KCTD1: variants seen among roughly 807,000 people sequenced by gnomAD.
The protein encoded by KCTD1 is BTB/POZ domain-containing protein KCTD1.
Under a neutral mutation model 66.0 loss-of-function variants are expected in KCTD1, and 24 were observed. The ratio of observed to expected loss-of-function variants is 0.36; its 90% CI spans 0.26 to 0.51. The LOEUF (loss-of-function observed/expected upper bound fraction) is 0.51, where lower values mean the gene tolerates loss of function less well. Ranked by LOEUF, KCTD1 falls within the 20% of genes least tolerant of loss-of-function variation. The probability of loss-of-function intolerance (pLI) is 0.95; values close to 1 mark genes in which losing one functional copy is unlikely to be tolerated. For missense variants in KCTD1, 943 were observed against 1,205.2 expected (o/e 0.78, Z 3.22); for synonymous variants, 511 against 517.2 (o/e 0.99, Z 0.16).
chr18:26,638,279 C>T (rs1006894272), intron 1 of KCTD1, among the ~76,000 whole-genome samples: 2 of 152,204 alleles, frequency 1.3e-5, no homozygotes, highest in East Asian at 3.8e-4. Context: ...CTAGAAGACA[C>T]TTGAATATCT....
At chr18:26,644,421 A>G (rs1387513289), upstream of KCTD1, among the ~76,000 whole-genome samples, 1 of 152,076 alleles carries the variant, frequency 6.6e-6, no homozygotes, top group Non-Finnish European at 1.5e-5. Context: ...CAGGCTGACT[A>G]AGGAGGGAGA....
chr18:26,461,680 A>C (rs1980436250), intron 3 of KCTD1, among the ~76,000 whole-genome samples: 1 of 152,216 alleles, frequency 6.6e-6, no homozygotes, highest in East Asian at 1.9e-4. Context: ...ATACTGACCT[A>C]AACACTTATT....
chr18:26,588,397 A>C (rs891122920), intron 1 of KCTD1, among the ~76,000 whole-genome samples: 1 of 152,126 alleles, frequency 6.6e-6, no homozygotes, highest in African/African-American at 2.4e-5. Flanking sequence ...GTTTTTTAGG[A>C]ACCCCCGGGG....
chr18:26,596,430 A>T (rs1986767914), intron 1 of KCTD1, among the ~76,000 whole-genome samples: 1 of 152,226 alleles, frequency 6.6e-6, no homozygotes, highest in African/African-American at 2.4e-5. Context: ...CTGTAAGAAA[A>T]TAAATTTCTG....
intron 1 of KCTD1, among the ~76,000 whole-genome samples, chr18:26,615,639 C>T (rs73405354): frequency 0.033 from 4,949 of 152,268 alleles, 275 homozygotes; most frequent in African/African-American, 0.11. Flanking sequence ...ATTTGAGATA[C>T]AGCATTCTAC....
chr18:26,653,648 A>C lies in KCTD1; in HGVS notation c.9+3712T>G, dbSNP rs185683798. On this transcript the variant is annotated intron_variant, in intron 1 of 4. Coordinates refer to the KCTD1 transcript ENST00000580191. ...ATACAGCAAGCACAAATATTTGTTCAATGAATGAATGAATGGACCTAATGA... is the reference window on the plus strand; with the variant it reads ...ATACAGCAAGCACAAATATTTGTTCCATGAATGAATGAATGGACCTAATGA... Among the ~76,000 whole-genome samples the C allele has an allele frequency of 1.0e-3, 156 of 152,312 alleles. 1 individual carries two copies. Among genetic ancestry groups the C allele is most frequent in the Admixed American group, 8.9e-3 (136 of 15,306 alleles).
At chr18:26,536,275 A>G (rs115570571) in intron 1 of KCTD1, among the ~76,000 whole-genome samples, 192 of 152,296 alleles carry the variant, frequency 1.3e-3, no homozygotes, top group African/African-American at 4.4e-3. Flanking sequence ...ATTATTGTAC[A>G]TATGCTCAAT....
intron 1 of KCTD1, among the ~76,000 whole-genome samples, chr18:26,628,900 T>C (rs1468182013): frequency 6.6e-6 from 1 of 152,340 alleles, no homozygotes; most frequent in Non-Finnish European, 1.5e-5. Context: ...TCAGAGGTTT[T>C]TAAACTATGG....
intron 1 of KCTD1, among the ~76,000 whole-genome samples, chr18:26,582,630 T>A (rs1157795327): frequency 6.6e-6 from 1 of 152,184 alleles, no homozygotes; most frequent in Non-Finnish European, 1.5e-5. Flanking sequence ...TCCCAAAATA[T>A]GGAAAATAAT....
chr18:26,602,277 A>G (rs1283424847), intron 1 of KCTD1, among the ~76,000 whole-genome samples: 1 of 152,194 alleles, frequency 6.6e-6, no homozygotes, highest in Non-Finnish European at 1.5e-5. Context: ...TTTTCATGTT[A>G]AACCAACCGT....
Position 26,620,463 on chromosome 18 carries a change from G to A in KCTD1, c.-16+8684C>T, listed in dbSNP as rs570673449. Reference sequence around the variant, plus strand: ...TTTTTTTTTTTTTTTTTGAGACAGGGTCTTGTTCTGTTGCCCAGGCTGGAG... The same window carrying A: ...TTTTTTTTTTTTTTTTTGAGACAGGATCTTGTTCTGTTGCCCAGGCTGGAG... On this transcript the variant is annotated intron_variant, in intron 1 of 4. Coordinates refer to the KCTD1 transcript ENST00000317932. Among the ~76,000 whole-genome samples the A allele has an allele frequency of 6.8e-4, 84 of 123,646 alleles. 1 individual carries two copies. The East Asian group carries it at 0.018, about 27-fold the overall frequency. The allele number at this position is 123,646 out of a possible 152,430, so 81.1% of individuals were successfully genotyped here. A position where few individuals can be genotyped will look rare whatever the true frequency, so the allele number is the denominator to read the frequency against.
intron 1 of KCTD1, among the ~76,000 whole-genome samples, chr18:26,619,083 T>C (rs1987318093): frequency 6.6e-6 from 1 of 152,268 alleles, no homozygotes; most frequent in Non-Finnish European, 1.5e-5. Context: ...CCTAAGTGTC[T>C]AATTTTGAGT....
chr18:26,633,996 G>T (rs1987672550), upstream of KCTD1, among the ~76,000 whole-genome samples: 1 of 152,104 alleles, frequency 6.6e-6, no homozygotes, highest in Non-Finnish European at 1.5e-5. Flanking sequence ...CAAAAGGAAA[G>T]AACTACGCTA....
At position 26,457,650 on chromosome 18, in the gene KCTD1, GTA is replaced by G. The variant is rs561995841; in HGVS notation, c.2440-1751_2440-1750del. On this transcript the variant is annotated intron_variant, in intron 4 of 4. Coordinates refer to ENST00000580059, the MANE Select transcript of KCTD1 (RefSeq NM_001142730.3). ...GATGTGGTCAAAAGCTTATTTCAAT[GTA>G]ATGCAAACAGCTGATGGAGCCATTA... 1.2e-4 allele frequency: 18 copies of G among 152,356 alleles called. 1 individual carries two copies. The highest frequency in any genetic ancestry group is 3.6e-4 in the African/African-American group (15 of 41,582). The allele number at this position is 152,356 out of a possible 1,614,324, so 9.4% of individuals were successfully genotyped here. A position where few individuals can be genotyped will look rare whatever the true frequency, so the allele number is the denominator to read the frequency against.
chr18:26,477,893 A>C (rs891009173), intron 2 of KCTD1, among the ~76,000 whole-genome samples: 2 of 152,188 alleles, frequency 1.3e-5, no homozygotes, highest in African/African-American at 2.4e-5. Context: ...AAATTCAATA[A>C]ATATTTTTGA....
At chr18:26,548,596 T>C (rs986821444), upstream of KCTD1, 12 of 1,194,418 alleles carry the variant, frequency 1.0e-5, no homozygotes, top group South Asian at 4.6e-4. Context: ...ACCGCAGCGC[T>C]GAGAGCTTTT....
At position 26,468,716 on chromosome 18, in the gene KCTD1, C is replaced by G. The variant is rs978610153; in HGVS notation, c.2133+7799G>C. On this transcript the variant is annotated intron_variant, in intron 3 of 4. Coordinates refer to ENST00000580059, the MANE Select transcript of KCTD1 (RefSeq NM_001142730.3). The surrounding 1 kb of genome is among the most constrained non-coding windows in gnomAD (Gnocchi z 4.8). The stretch of plus-strand genomic sequence containing the variant: ...CCTGTGGCGTGGTGGCGTGTGGTGG[C>G]GTGTGCCTGTAGTCCAGCTACTTGG... Among the ~76,000 whole-genome samples the G allele has an allele frequency of 6.6e-6, 1 of 151,930 alleles. No individual in the cohort carries two copies. Among genetic ancestry groups the G allele is most frequent in the South Asian group, 2.1e-4 (1 of 4,808 alleles).
chr18:26,594,999 C>T (rs573617901), intron 1 of KCTD1, among the ~76,000 whole-genome samples: 1 of 152,056 alleles, frequency 6.6e-6, no homozygotes, highest in Non-Finnish European at 1.5e-5. Context: ...AACTCCTCCC[C>T]TCTCCCTCTC....
intron 1 of KCTD1, among the ~76,000 whole-genome samples, chr18:26,651,158 G>A (rs1162868870): frequency 6.6e-6 from 1 of 152,222 alleles, no homozygotes; most frequent in Non-Finnish European, 1.5e-5. Context: ...TGGTGTGGCA[G>A]GGAGATACAG....
Sources: allele counts gnomAD v4.1 joint callset (sites outside exome capture counted in the v4.1 genomes callset), GRCh38; gene constraint gnomAD v4.1.1; non-coding constraint Gnocchi (gnomAD v3.1); transcripts MANE v1.5; gene names NCBI Gene and HGNC (gene_info 2026-07-23, HGNC 2026-07-21).